Variants in NEDD4L observed in about 807,000 individuals in gnomAD.
The protein encoded by NEDD4L is E3 ubiquitin-protein ligase NEDD4-like.
Under a neutral mutation model 148.9 loss-of-function variants are expected in NEDD4L, and 54 were observed. The observed-to-expected ratio is 0.36, with a 90% CI of 0.29 to 0.45. NEDD4L has a LOEUF of 0.45. Ranked by LOEUF, NEDD4L falls within the 20% of genes least tolerant of loss-of-function variation. The pLI, the probability that NEDD4L is intolerant of heterozygous loss-of-function variation, is 1.00. For missense variants in NEDD4L, 856 were observed against 1,233.8 expected, an observed-to-expected ratio of 0.69 and a Z score of 4.59; for synonymous variants, 433 against 440.7, an observed-to-expected ratio of 0.98 and a Z score of 0.22.
At chr18:58,299,753 A>G (rs1354829526) in intron 5 of NEDD4L, among the ~76,000 whole-genome samples, 2 of 152,190 alleles carry the variant, frequency 1.3e-5, no homozygotes, top group Non-Finnish European at 2.9e-5. Flanking sequence ...AGTTTCAAAA[A>G]GGCTTTCCGG....
rs2048544215 is a variant in NEDD4L at position 58,256,262 on chromosome 18, C to G, written c.297+4208C>G. Reference sequence around the variant, plus strand: ...CGACGTGCGCCAGGTGAGGCTGCTGCCCCTGGGCCCCGATGGCCAGGGCGG... The same window carrying G: ...CGACGTGCGCCAGGTGAGGCTGCTGGCCCTGGGCCCCGATGGCCAGGGCGG... On this transcript the variant is annotated intron_variant, in intron 5 of 30. Transcript: ENST00000400345. The surrounding 1 kb of genome is among the most constrained non-coding windows in gnomAD (Gnocchi z 5.2). 20 of 1,230,986 alleles carry G rather than the reference C, an allele frequency of 1.6e-5. No individual in the cohort carries two copies. Among genetic ancestry groups the G allele is most frequent in the Non-Finnish European group, 2.0e-5 (20 of 987,480 alleles). 76.3% of individuals were successfully genotyped at this position (1,230,986 alleles called of 1,614,324 possible). A position where few individuals can be genotyped will look rare whatever the true frequency, so the allele number is the denominator to read the frequency against.
intron 5 of NEDD4L, among the ~76,000 whole-genome samples, chr18:58,268,909 T>G (rs1036968995): frequency 6.6e-6 from 1 of 151,976 alleles, no homozygotes; most frequent in Non-Finnish European, 1.5e-5. Context: ...GGGAGCATTC[T>G]TTCAATCTGA....
At chr18:58,181,604 T>C (rs901034470) in intron 2 of NEDD4L, among the ~76,000 whole-genome samples, 5 of 152,176 alleles carry the variant, frequency 3.3e-5, no homozygotes, top group Non-Finnish European at 7.4e-5. Flanking sequence ...TAATTTTTTT[T>C]TTCAATTTTT....
At chr18:58,381,552 G>T (rs1002299781) in intron 24 of NEDD4L, among the ~76,000 whole-genome samples, 1 of 152,162 alleles carries the variant, frequency 6.6e-6, no homozygotes, top group South Asian at 2.1e-4. Flanking sequence ...GGAAAGGGTG[G>T]GAGGAAAGAT....
At chr18:58,145,027 C>T (rs541184490) in intron 1 of NEDD4L, among the ~76,000 whole-genome samples, 1 of 152,340 alleles carries the variant, frequency 6.6e-6, no homozygotes, top group East Asian at 1.9e-4. Context: ...AAGCAGGCAC[C>T]ACCACTGGGC....
At chr18:58,129,074 A>T (rs1008109063) in intron 1 of NEDD4L, among the ~76,000 whole-genome samples, 2 of 152,220 alleles carry the variant, frequency 1.3e-5, no homozygotes, top group Non-Finnish European at 1.5e-5. Flanking sequence ...TTAAAATAAA[A>T]AAAGCGGCCT....
chr18:58,076,446 A>T (rs1174964818), intron 1 of NEDD4L, among the ~76,000 whole-genome samples: 1 of 152,228 alleles, frequency 6.6e-6, no homozygotes, highest in East Asian at 1.9e-4. Context: ...GAAAAACTGA[A>T]ACAAAATTAG....
In NEDD4L at chr18:58,364,251, A is replaced by T; in HGVS notation, c.1768-17A>T. On this transcript the variant is annotated splice_polypyrimidine_tract_variant and intron_variant, in intron 19 of 30. Coordinates refer to ENST00000400345, the MANE Select transcript of NEDD4L (RefSeq NM_001144967.3). ...TGTATTGTTTGCATTATCTATATTT[A>T]TAAATTTATCTTCCAGGCTGTCCCT... The T allele has an allele frequency of 6.8e-7, 1 of 1,467,750 alleles. No individual in the cohort carries two copies. The highest frequency in any genetic ancestry group is 9.3e-7 in the Non-Finnish European group (1 of 1,072,700). The allele number at this position is 1,467,750 out of a possible 1,614,324, so 90.9% of individuals were successfully genotyped here. A position where few individuals can be genotyped will look rare whatever the true frequency, so the allele number is the denominator to read the frequency against.
At chr18:58,147,011 G>A (rs911760916) in intron 1 of NEDD4L, among the ~76,000 whole-genome samples, 3 of 152,198 alleles carry the variant, frequency 2.0e-5, no homozygotes, top group African/African-American at 4.8e-5. Flanking sequence ...CAGAGCTCAT[G>A]TAAAGGTGTC....
chr18:58,280,546 A>G (rs1220432302), intron 5 of NEDD4L, among the ~76,000 whole-genome samples: 43 of 152,174 alleles, frequency 2.8e-4, no homozygotes, highest in Admixed American at 2.7e-3. Context: ...GTCTGTGCAT[A>G]TTGGTAGGTT....
chr18:58,214,668 C>G (rs1016057833), intron 2 of NEDD4L, among the ~76,000 whole-genome samples: 1 of 148,054 alleles, frequency 6.8e-6, no homozygotes, highest in Non-Finnish European at 1.5e-5. Context: ...TTGTTTTAAA[C>G]GGGATCATGC....
chr18:58,347,223 C>T (rs1264752187), intron 16 of NEDD4L, among the ~76,000 whole-genome samples: 3 of 115,896 alleles, frequency 2.6e-5, no homozygotes, highest in Non-Finnish European at 5.5e-5. Flanking sequence ...CGCCCCCCCC[C>T]CCCCTTTAAA....
chr18:58,394,251 G>A lies in NEDD4L; in HGVS notation c.2826-1916G>A, dbSNP rs532987513. On this transcript the variant is annotated intron_variant, in intron 30 of 30. Transcript: ENST00000400345. Reference sequence around the variant, plus strand: ...CATCATCACAGTGGCCCTAAGAGGTGGGTGATGTTATGACCCACTTTTTTA... The same window carrying A: ...CATCATCACAGTGGCCCTAAGAGGTAGGTGATGTTATGACCCACTTTTTTA... Among the ~76,000 whole-genome samples the A allele has an allele frequency of 1.2e-4, 18 of 152,348 alleles. No homozygotes were observed. The East Asian group carries it at 3.3e-3, about 28-fold the overall frequency.
chr18:58,147,628 A>G (rs1350995393), intron 1 of NEDD4L, among the ~76,000 whole-genome samples: 1 of 152,094 alleles, frequency 6.6e-6, no homozygotes, highest in Non-Finnish European at 1.5e-5. Context: ...TAAAATTTTA[A>G]TCTCTGCTAA....
intron 24 of NEDD4L, among the ~76,000 whole-genome samples, chr18:58,381,774 A>G (rs1002063599): frequency 5.3e-5 from 8 of 152,268 alleles, no homozygotes; most frequent in African/African-American, 1.9e-4. Context: ...AGCACTGTCC[A>G]CGCACCTCTG....
chr18:58,242,147 C>T (rs2046709854), intron 2 of NEDD4L, among the ~76,000 whole-genome samples: 1 of 152,140 alleles, frequency 6.6e-6, no homozygotes, highest in South Asian at 2.1e-4. Flanking sequence ...GGCCAGCACC[C>T]AGTGTGTACT....
intron 2 of NEDD4L, among the ~76,000 whole-genome samples, chr18:58,228,791 TGG>T (rs1342832885): frequency 2.6e-5 from 4 of 152,200 alleles, no homozygotes; most frequent in Non-Finnish European, 5.9e-5. Flanking sequence ...GGATGAGCGT[TGG>T]GGAGTATCCA....
At position 58,054,051 on chromosome 18, in the gene NEDD4L, A is replaced by G. The variant is rs150089744; in HGVS notation, c.48+9343A>G. 3.7e-4 allele frequency among the ~76,000 whole-genome samples: 56 copies of G among 152,338 alleles called. 2 individuals are homozygous for G. The East Asian group carries it at 9.2e-3, about 25-fold the overall frequency. On this transcript the variant is annotated intron_variant, in intron 1 of 30. Coordinates refer to ENST00000400345, the MANE Select transcript of NEDD4L (RefSeq NM_001144967.3). ...ATTAATTTTTCTTGTTTAATTGAAG[A>G]TGTTCGTGTTGAATGGGTTTTATTT... is the stretch of plus-strand genomic sequence containing the variant.
chr18:58,258,900 C>T (rs1223734639), intron 5 of NEDD4L, among the ~76,000 whole-genome samples: 1 of 152,192 alleles, frequency 6.6e-6, no homozygotes, highest in Non-Finnish European at 1.5e-5. Flanking sequence ...TGAAGGAAAA[C>T]ATTCACTTGG....
Sources: allele counts gnomAD v4.1 joint callset (sites outside exome capture counted in the v4.1 genomes callset), GRCh38; gene constraint gnomAD v4.1.1; non-coding constraint Gnocchi (gnomAD v3.1); transcripts MANE v1.5; gene names NCBI Gene and HGNC (gene_info 2026-07-23, HGNC 2026-07-21).